FAM107B: variants seen among roughly 807,000 people sequenced by gnomAD.
The protein encoded by FAM107B is family with sequence similarity 107 member B, also known as protein FAM107B.
FAM107B carries 21 observed loss-of-function variants against 31.5 expected under a neutral mutation model. The ratio of observed to expected loss-of-function variants is 0.67; its 90% CI spans 0.47 to 0.96. FAM107B has a LOEUF of 0.96. FAM107B is among the 40% of genes least tolerant of loss of function. The probability of loss-of-function intolerance (pLI) is 0.00; values close to 1 mark genes in which losing one functional copy is unlikely to be tolerated. For synonymous variants in FAM107B, 157 were observed against 141.5 expected, an observed-to-expected ratio of 1.11 and a Z score of -0.78; for missense variants, 452 against 377.1, an observed-to-expected ratio of 1.20 and a Z score of -1.64.
chr10:14,657,484 G>A (rs1216445467), intron 2 of FAM107B, among the ~76,000 whole-genome samples: 1 of 152,032 alleles, frequency 6.6e-6, no homozygotes, highest in Non-Finnish European at 1.5e-5. Context: ...CCCTCCCAAA[G>A]ACAGACACCT....
chr10:14,720,659 G>A (rs149828223), intron 1 of FAM107B, among the ~76,000 whole-genome samples: 2 of 152,142 alleles, frequency 1.3e-5, no homozygotes, highest in East Asian at 1.9e-4. Context: ...AAATTATAAC[G>A]AACAGAATGG....
intron 2 of FAM107B, among the ~76,000 whole-genome samples, chr10:14,533,906 C>A (rs1342078888): frequency 1.3e-5 from 2 of 152,110 alleles, no homozygotes; most frequent in African/African-American, 2.4e-5. Flanking sequence ...TAGAGAGACA[C>A]GGGCACTGCG....
chr10:14,607,487 C>A (rs573649350), intron 2 of FAM107B, among the ~76,000 whole-genome samples: 1 of 152,282 alleles, frequency 6.6e-6, no homozygotes, highest in South Asian at 2.1e-4. Flanking sequence ...CCATTTGTAT[C>A]CATACCATCC....
At chr10:14,762,483 C>G (rs936148341) in intron 1 of FAM107B, among the ~76,000 whole-genome samples, 1 of 152,040 alleles carries the variant, frequency 6.6e-6, no homozygotes, top group Non-Finnish European at 1.5e-5. Flanking sequence ...CGTGACTGAC[C>G]GGCATCTTTC....
At chr10:14,631,756 T>A (rs1853359200) in intron 2 of FAM107B, among the ~76,000 whole-genome samples, 1 of 152,162 alleles carries the variant, frequency 6.6e-6, no homozygotes, top group African/African-American at 2.4e-5. Context: ...GCACCCCTCC[T>A]AACCCCATGC....
intron 2 of FAM107B, among the ~76,000 whole-genome samples, chr10:14,597,979 G>A (rs779418442): frequency 1.3e-5 from 2 of 152,066 alleles, no homozygotes; most frequent in African/African-American, 4.8e-5. Flanking sequence ...AAAAAACTCC[G>A]AGTTGAAATG....
At position 14,555,100 on chromosome 10, in the gene FAM107B, A is replaced by G. The variant is rs1447735587; in HGVS notation, c.470-24585T>C. Among the ~76,000 whole-genome samples the G allele has an allele frequency of 3.7e-4, 56 of 152,198 alleles. 1 individual carries two copies. The highest frequency in any genetic ancestry group is 3.7e-3 in the Admixed American group (56 of 15,278). ...CTTTGTTTTACATTATAAATATACA[A>G]CTAATTATTATAAAAACTATCTTCC... is the stretch of plus-strand genomic sequence containing the variant. On this transcript the variant is annotated intron_variant, in intron 2 of 4. Transcript: ENST00000181796.
At chr10:14,527,951 AGAGATAAGAT>A in intron 3 of FAM107B, 2 of 263,500 alleles carry the variant, frequency 7.6e-6, no homozygotes, top group South Asian at 6.5e-5. Context: ...AAAACTCTTA[AGAGATAAGAT>A]GAGATATATT....
intron 2 of FAM107B, among the ~76,000 whole-genome samples, chr10:14,538,065 T>C (rs1847823050): frequency 6.6e-6 from 1 of 152,170 alleles, no homozygotes; most frequent in Admixed American, 6.5e-5. Flanking sequence ...CTCCATGGGC[T>C]GGGATGATGG....
intron 2 of FAM107B, among the ~76,000 whole-genome samples, chr10:14,642,229 T>G (rs1416567430): frequency 6.6e-6 from 1 of 152,238 alleles, no homozygotes; most frequent in Non-Finnish European, 1.5e-5. Flanking sequence ...CCAGGCTCAC[T>G]GGGGTGGAAG....
At chr10:14,576,907 G>A (rs1367906165) in intron 2 of FAM107B, among the ~76,000 whole-genome samples, 2 of 152,210 alleles carry the variant, frequency 1.3e-5, no homozygotes, top group Admixed American at 1.3e-4. Flanking sequence ...TTTGGGATCA[G>A]TAATGTGTTG....
At chr10:14,697,278 C>A (rs569988722) in intron 1 of FAM107B, among the ~76,000 whole-genome samples, 3 of 152,200 alleles carry the variant, frequency 2.0e-5, no homozygotes, top group Admixed American at 6.5e-5. Flanking sequence ...TCTCCTGAGA[C>A]CCCCCAACCC....
intron 2 of FAM107B, among the ~76,000 whole-genome samples, chr10:14,599,637 TAC>T (rs567705804): frequency 1.5e-3 from 231 of 152,258 alleles, no homozygotes; most frequent in African/African-American, 5.5e-3. Context: ...ACCCCATCTC[TAC>T]AGTTTTTTAA....
intron 1 of FAM107B, among the ~76,000 whole-genome samples, chr10:14,752,024 T>C (rs1435830881): frequency 6.6e-6 from 1 of 152,202 alleles, no homozygotes; most frequent in Non-Finnish European, 1.5e-5. Flanking sequence ...AAATACCCAC[T>C]GGTTTCCCTA....
chr10:14,674,756 T>C (rs992126758), intron 1 of FAM107B, among the ~76,000 whole-genome samples: 2 of 152,104 alleles, frequency 1.3e-5, no homozygotes, highest in African/African-American at 2.4e-5. Context: ...TGAGACAGGG[T>C]CTCGCTCTCG....
At chr10:14,522,650 G>A (rs1215015065) in intron 3 of FAM107B, among the ~76,000 whole-genome samples, 1 of 151,962 alleles carries the variant, frequency 6.6e-6, no homozygotes, top group Non-Finnish European at 1.5e-5. Context: ...TCCTGACCTC[G>A]GGATCCACTC....
intron 1 of FAM107B, among the ~76,000 whole-genome samples, chr10:14,761,029 A>G (rs945199507): frequency 3.4e-5 from 5 of 147,204 alleles, no homozygotes; most frequent in East Asian, 2.0e-4. Flanking sequence ...AAAAAAAAAA[A>G]AAAAAAAGAA....
At chr10:14,771,595 G>T (rs931086167) in intron 1 of FAM107B, among the ~76,000 whole-genome samples, 3 of 151,734 alleles carry the variant, frequency 2.0e-5, no homozygotes, top group Admixed American at 6.6e-5. Flanking sequence ...ATACAACTGT[G>T]ATATATCAAT....
At chr10:14,583,467 C>T (rs547020535) in intron 2 of FAM107B, among the ~76,000 whole-genome samples, 19 of 152,260 alleles carry the variant, frequency 1.2e-4, no homozygotes, top group South Asian at 1.2e-3. Flanking sequence ...CTCACCTTAG[C>T]GGGAAGTCAC....
Sources: allele counts gnomAD v4.1 joint callset (sites outside exome capture counted in the v4.1 genomes callset), GRCh38; gene constraint gnomAD v4.1.1; transcripts MANE v1.5; gene names NCBI Gene and HGNC (gene_info 2026-07-23, HGNC 2026-07-21).